Variants in PRKN observed in about 807,000 individuals in gnomAD.
PRKN encodes parkin RBR E3 ubiquitin protein ligase, also known as E3 ubiquitin-protein ligase parkin.
PRKN carries 56 observed loss-of-function variants against 59.5 expected under a neutral mutation model. The ratio of observed to expected loss-of-function variants is 0.94; its 90% confidence interval spans 0.76 to 1.18. The LOEUF (loss-of-function observed/expected upper bound fraction) is 1.18. Among genes scored for constraint, PRKN ranks in the 50% most tolerant of loss-of-function variants. PRKN has a pLI of 0.00. For missense variants in PRKN, 657 were observed against 596.4 expected (o/e 1.10, Z -1.06); for synonymous variants, 250 against 222.1 (o/e 1.13, Z -1.12).
At chr6:161,813,221 G>A (rs1482659316) in intron 6 of PRKN, among the ~76,000 whole-genome samples, 2 of 152,148 alleles carry the variant, frequency 1.3e-5, no homozygotes, top group African/African-American at 4.8e-5. Context: ...GAAGTGCAGT[G>A]GAAAGGATAT....
intron 2 of PRKN, among the ~76,000 whole-genome samples, chr6:162,342,923 G>A (rs1328330450): frequency 6.6e-6 from 1 of 152,078 alleles, no homozygotes; most frequent in African/African-American, 2.4e-5. Flanking sequence ...AAAGAGTCCA[G>A]GTTGCTCCTT....
rs1287984011 is a variant in PRKN, at chr6:162,632,004, T to A, written c.7+95658A>T. On this transcript the variant is annotated intron_variant, in intron 1 of 11. Coordinates refer to ENST00000366898, the MANE Select transcript of PRKN (RefSeq NM_004562.3). ...AAAAAGTAAAAAAAAAAAAAAAAGA[T>A]GTGGCAAGGCTGCAAACAAAAGGAA... 3.7e-3 allele frequency among the ~76,000 whole-genome samples: 512 copies of A among 139,112 alleles called. 4 individuals carry two copies. Among genetic ancestry groups the A allele is most frequent in the African/African-American group, 0.012 (442 of 37,464 alleles). The allele number at this position is 139,112 out of a possible 152,430, so 91.3% of individuals were successfully genotyped here. A position where few individuals can be genotyped will look rare whatever the true frequency, so the allele number is the denominator to read the frequency against.
intron 6 of PRKN, among the ~76,000 whole-genome samples, chr6:161,843,827 T>C (rs1793089204): frequency 6.6e-6 from 1 of 152,130 alleles, no homozygotes. Flanking sequence ...ATTCATTCAT[T>C]CCATAGTACA....
chr6:162,253,279 A>AAATCTAATCTAATCGAATCT (rs1554291285), intron 3 of PRKN, among the ~76,000 whole-genome samples: 5 of 149,408 alleles, frequency 3.3e-5, no homozygotes, highest in African/African-American at 1.2e-4. Context: ...AACAGGCAAC[A>AAATCTAATCTAATCGAATCT]AATCTAATCT....
At chr6:162,473,743 G>T (rs902710922) in intron 1 of PRKN, among the ~76,000 whole-genome samples, 1 of 151,940 alleles carries the variant, frequency 6.6e-6, no homozygotes, top group African/African-American at 2.4e-5. Context: ...TGTGGCTAAC[G>T]GCTACTATAT....
At position 162,727,685 on chromosome 6, in the gene PRKN, G is replaced by A. The variant is rs200039995; in HGVS notation, c.-17C>T. On this transcript the variant is annotated 5_prime_UTR_variant, in exon 1 of 12. Transcript: ENST00000366898. ...ACCTATCATGGTCACTGGGTAGGTG[G>A]CGGCTGCGGGCCAGGAACAGGCCCA... 5.1e-6 allele frequency: 8 copies of A among 1,572,824 alleles called. No individual in the cohort carries two copies. In the East Asian group the frequency reaches 1.9e-4, roughly 37 times the overall value.
At chr6:161,569,469 A>AT in intron 7 of PRKN, 53 bp from the exon 8 acceptor site, 1 of 1,460,376 alleles carries the variant, frequency 6.8e-7, no homozygotes, top group South Asian at 1.1e-5. Flanking sequence ...CTGTGTGGTT[A>AT]TATGTTCTTA....
chr6:162,010,445 ATATATAATGTATTTATAATATATAT>A lies in PRKN; in HGVS notation c.619-37053_619-37029del, dbSNP rs1562455536. ...ACATTTATAATATGTAATATTTATGATATATAATGTATTTATAATATATATTATATAATGTATTTATAATATATAT... is the reference window on the plus strand; with the variant it reads ...ACATTTATAATATGTAATATTTATGATATATAATGTATTTATAATATATAT... On this transcript the variant is annotated intron_variant, in intron 5 of 11. Transcript: ENST00000366898. Among the ~76,000 whole-genome samples, 671 of 73,502 alleles carry A rather than the reference ATATATAATGTATTTATAATATATAT, an allele frequency of 9.1e-3. 2 individuals carry two copies. The highest frequency in any genetic ancestry group is 0.045 in the African/African-American group (647 of 14,320). The allele number at this position is 73,502 out of a possible 152,430, so 48.2% of individuals were successfully genotyped here.
At chr6:161,714,517 C>T (rs1197964044) in intron 7 of PRKN, among the ~76,000 whole-genome samples, 2 of 152,248 alleles carry the variant, frequency 1.3e-5, no homozygotes, top group East Asian at 1.9e-4. Flanking sequence ...TTGGACTTCC[C>T]GGCCTCCAGA....
At chr6:162,523,743 A>G (rs12530445) in intron 1 of PRKN, among the ~76,000 whole-genome samples, 39,073 of 152,052 alleles carry the variant, frequency 0.26, 6,248 homozygotes, top group Non-Finnish European at 0.37. Context: ...TTGGCTGGGC[A>G]TAGTGGCTCA....
intron 8 of PRKN, among the ~76,000 whole-genome samples, chr6:161,553,707 CT>C (rs1365146339): frequency 5.3e-5 from 8 of 149,672 alleles, no homozygotes; most frequent in African/African-American, 1.8e-4. Flanking sequence ...ATATTTGAAT[CT>C]TTTTTTTCAA....
intron 4 of PRKN, among the ~76,000 whole-genome samples, chr6:162,157,277 T>C (rs1954931): frequency 0.94 from 142,367 of 151,766 alleles, 67,285 homozygotes; most frequent in Non-Finnish European, 1. Flanking sequence ...GATGGCACTT[T>C]GCCCTTCCAT....
intron 5 of PRKN, among the ~76,000 whole-genome samples, chr6:161,980,279 C>G (rs762267706): frequency 1.2e-4 from 18 of 152,142 alleles, no homozygotes; most frequent in Non-Finnish European, 2.4e-4. Flanking sequence ...GTCTCCAAAT[C>G]CTTCTTAGTT....
At chr6:161,532,128 ATC>A (rs1331460263) in intron 9 of PRKN, among the ~76,000 whole-genome samples, 1 of 140,228 alleles carries the variant, frequency 7.1e-6, no homozygotes, top group Non-Finnish European at 1.5e-5. Flanking sequence ...TATCCATCCT[ATC>A]TCTGTCTTGC....
chr6:161,906,469 G>C (rs1025282016), intron 6 of PRKN, among the ~76,000 whole-genome samples: 3 of 151,948 alleles, frequency 2.0e-5, no homozygotes, highest in African/African-American at 7.3e-5. Flanking sequence ...TAGCTTAAGG[G>C]ACCTCTCTGG....
rs2115351650 is a variant in PRKN at position 161,518,249 on chromosome 6, C to A, written c.1083+30605G>T. Reference sequence around the variant, plus strand: ...GGGGGACTGCCCCCACCCTGCATATCTGCTGGCGCTGAAATTCTCTCAGGA... The same window carrying A: ...GGGGGACTGCCCCCACCCTGCATATATGCTGGCGCTGAAATTCTCTCAGGA... On this transcript the variant is annotated intron_variant, in intron 9 of 11. Coordinates refer to ENST00000366898, the MANE Select transcript of PRKN (RefSeq NM_004562.3). This position sits in a 1 kb window ranked among gnomAD's most constrained non-coding sequence, Gnocchi z 5.0. 6.6e-6 allele frequency among the ~76,000 whole-genome samples: 1 copy of A among 152,352 alleles called. No individual in the cohort carries two copies. The highest frequency in any genetic ancestry group is 2.4e-5 in the African/African-American group (1 of 41,588).
chr6:162,696,017 C>T (rs529451670), intron 1 of PRKN, among the ~76,000 whole-genome samples: 10 of 152,090 alleles, frequency 6.6e-5, no homozygotes, highest in Admixed American at 1.3e-4. Flanking sequence ...GAAAAGTAAA[C>T]GAGCTCTGAC....
intron 4 of PRKN, among the ~76,000 whole-genome samples, chr6:162,168,363 T>C (rs754550762): frequency 4.3e-4 from 65 of 152,012 alleles, no homozygotes; most frequent in Non-Finnish European, 3.8e-4. Flanking sequence ...TTTCCAAATT[T>C]TTTTTTTCAG....
rs1167165088 is a variant in PRKN, at chr6:161,376,215, T to C, written c.1167+10579A>G. Among the ~76,000 whole-genome samples, 1 of 152,022 alleles carries C rather than the reference T, an allele frequency of 6.6e-6. No homozygotes were observed. Among genetic ancestry groups the C allele is most frequent in the African/African-American group, 2.4e-5 (1 of 41,396 alleles). ...AACTCTGAAGGGGTGGGTGTGGGTG[T>C]GGGGAGCATGGATAAGGGGCAGTTC... is the stretch of plus-strand genomic sequence containing the variant. On this transcript the variant is annotated intron_variant, in intron 10 of 11. Transcript: ENST00000366898. This position sits in a 1 kb window ranked among gnomAD's most constrained non-coding sequence, Gnocchi z 7.3.
Sources: allele counts gnomAD v4.1 joint callset (sites outside exome capture counted in the v4.1 genomes callset), GRCh38; gene constraint gnomAD v4.1.1; non-coding constraint Gnocchi (gnomAD v3.1); transcripts MANE v1.5; gene names NCBI Gene and HGNC (gene_info 2026-07-23, HGNC 2026-07-21).